Variants in UBE2D1 observed in about 807,000 individuals in gnomAD.
UBE2D1 encodes ubiquitin conjugating enzyme E2 D1, also known as ubiquitin-conjugating enzyme E2 D1.
A neutral mutation model predicts 24.6 loss-of-function variants in UBE2D1; 9 were observed. That is an observed-to-expected ratio of 0.37 (90% CI 0.22 to 0.64). The LOEUF (loss-of-function observed/expected upper bound fraction) is 0.64. Ranked by LOEUF, UBE2D1 falls within the 30% of genes least tolerant of loss-of-function variation. The pLI, the probability that UBE2D1 is intolerant of heterozygous loss-of-function variation, is 0.64. For synonymous variants in UBE2D1, 57 were observed against 57.6 expected, an observed-to-expected ratio of 0.99 and a Z score of 0.04; for missense variants, 87 against 177.1, an observed-to-expected ratio of 0.49 and a Z score of 2.89.
chr10:58,355,086 C>T (rs1406813804), intron 1 of UBE2D1, among the ~76,000 whole-genome samples: 2 of 152,108 alleles, frequency 1.3e-5, no homozygotes, highest in African/African-American at 4.8e-5. Context: ...CATTAAGCCT[C>T]TGGAAAACTC....
At chr10:58,365,548 A>G (rs1272285013) in intron 5 of UBE2D1, among the ~76,000 whole-genome samples, 1 of 152,224 alleles carries the variant, frequency 6.6e-6, no homozygotes, top group Non-Finnish European at 1.5e-5. Flanking sequence ...AGTGACTGAC[A>G]CAAGATCTGT....
chr10:58,354,584 C>T (rs112447215), intron 1 of UBE2D1, among the ~76,000 whole-genome samples: 1 of 152,164 alleles, frequency 6.6e-6, no homozygotes, highest in Non-Finnish European at 1.5e-5. Context: ...GGCTCAGTGG[C>T]TTACACCTGT....
At chr10:58,343,746 G>T (rs1368421375) in intron 1 of UBE2D1, among the ~76,000 whole-genome samples, 1 of 152,098 alleles carries the variant, frequency 6.6e-6, no homozygotes, top group Non-Finnish European at 1.5e-5. Context: ...AATACTGGAT[G>T]ATACTAACAG....
intron 3 of UBE2D1, among the ~76,000 whole-genome samples, chr10:58,363,403 C>T (rs190593386): frequency 2.3e-4 from 35 of 152,176 alleles, no homozygotes; most frequent in Non-Finnish European, 3.8e-4. Context: ...AATCCTCCTT[C>T]GTACCTGCAG....
At chr10:58,345,329 G>A (rs1036816729) in intron 1 of UBE2D1, among the ~76,000 whole-genome samples, 3 of 152,040 alleles carry the variant, frequency 2.0e-5, no homozygotes, top group Admixed American at 6.6e-5. Flanking sequence ...TTAAAAAATA[G>A]CTCAGCATCG....
chr10:58,344,021 T>C (rs1345256338), intron 1 of UBE2D1, among the ~76,000 whole-genome samples: 1 of 152,190 alleles, frequency 6.6e-6, no homozygotes, highest in African/African-American at 2.4e-5. Flanking sequence ...GAAAATTCTA[T>C]TTATTTAAGT....
intron 1 of UBE2D1, chr10:58,361,023 T>G (rs1344586322): frequency 4.2e-6 from 2 of 479,798 alleles, no homozygotes; most frequent in East Asian, 4.8e-5. Context: ...TTCTGATATA[T>G]TATCAACCTA....
chr10:58,354,272 A>C (rs1018128267), intron 1 of UBE2D1, among the ~76,000 whole-genome samples: 9 of 152,178 alleles, frequency 5.9e-5, no homozygotes, highest in Non-Finnish European at 8.8e-5. Flanking sequence ...GATAGCATTA[A>C]GGAAAGCAGG....
intron 4 of UBE2D1, 184 bp from the exon 5 acceptor site, chr10:58,364,587 C>T (rs895078520): frequency 1.4e-5 from 7 of 516,802 alleles, no homozygotes; most frequent in Admixed American, 3.5e-5. Context: ...TTTGTGTTCA[C>T]ATTCTCACTA....
chr10:58,342,168 G>T (rs1377660256), intron 1 of UBE2D1, among the ~76,000 whole-genome samples: 1 of 152,130 alleles, frequency 6.6e-6, no homozygotes, highest in Non-Finnish European at 1.5e-5. Context: ...CTTAGTATGG[G>T]GAGGAAGCTG....
rs143364876 is a variant in UBE2D1 at position 58,339,586 on chromosome 10, A to G, written c.24+4361A>G. 2.6e-3 allele frequency among the ~76,000 whole-genome samples: 399 copies of G among 152,238 alleles called. 1 individual carries two copies. Among genetic ancestry groups the G allele is most frequent in the Admixed American group, 4.6e-3 (71 of 15,294 alleles). ...TCTGCCTTCTAAGTACTTGACATAT[A>G]TTAATTGACTTAATTCTTAGTATAC... On this transcript the variant is annotated intron_variant, in intron 1 of 6. Transcript: ENST00000373910.
rs191310501 is a variant in UBE2D1, at chr10:58,345,718, C to A, written c.24+10493C>A. ...AGAGGCCAAATTTATTTGGGAAAAT[C>A]AGGAAAAACTGTGGAGAAGATGGAA... On this transcript the variant is annotated intron_variant, in intron 1 of 6. Transcript: ENST00000373910. Among the ~76,000 whole-genome samples, 5 of 152,102 alleles carry A rather than the reference C, an allele frequency of 3.3e-5. No homozygotes were observed. In the East Asian group the frequency reaches 9.7e-4, roughly 29 times the overall value.
chr10:58,355,257 A>C (rs1178147803), intron 1 of UBE2D1, among the ~76,000 whole-genome samples: 2 of 152,200 alleles, frequency 1.3e-5, no homozygotes, highest in Non-Finnish European at 2.9e-5. Context: ...GAACCCAAAT[A>C]AGAGTGTAGG....
At chr10:58,365,882 A>C (rs1840249872) in intron 5 of UBE2D1, among the ~76,000 whole-genome samples, 1 of 152,172 alleles carries the variant, frequency 6.6e-6, no homozygotes, top group Admixed American at 6.5e-5. Flanking sequence ...GCATGTTTTT[A>C]AAAGTAATAA....
At position 58,335,108 on chromosome 10, in the gene UBE2D1, C is replaced by T; in HGVS notation, c.-94C>T. Reference sequence around the variant, plus strand: ...CGGGGACCCACCGCGCGGAGCCAGCCTAGCTGCCAGCGAGCCCAACCCGCG... The same window carrying T: ...CGGGGACCCACCGCGCGGAGCCAGCTTAGCTGCCAGCGAGCCCAACCCGCG... On this transcript the variant is annotated 5_prime_UTR_variant, in exon 1 of 7. Coordinates refer to ENST00000373910, the MANE Select transcript of UBE2D1 (RefSeq NM_003338.5). The T allele has an allele frequency of 7.2e-7, 1 of 1,395,690 alleles. No individual in the cohort carries two copies. The allele number at this position is 1,395,690 out of a possible 1,614,324, so 86.5% of individuals were successfully genotyped here.
At chr10:58,361,252 C>G (rs1840194491) in intron 1 of UBE2D1, 86 bp from the exon 2 acceptor site, 1 of 1,346,056 alleles carries the variant, frequency 7.4e-7, no homozygotes, top group Non-Finnish European at 1.1e-6. Flanking sequence ...GTTTTTAAAG[C>G]TAATAGTTTG....
intron 1 of UBE2D1, among the ~76,000 whole-genome samples, chr10:58,359,793 T>C (rs1253150933): frequency 1.3e-5 from 2 of 152,218 alleles, no homozygotes; most frequent in South Asian, 2.1e-4. Flanking sequence ...AGACATTGAA[T>C]AAATGTTAGC....
chr10:58,353,801 A>G (rs1840102080), intron 1 of UBE2D1, among the ~76,000 whole-genome samples: 1 of 152,216 alleles, frequency 6.6e-6, no homozygotes, highest in African/African-American at 2.4e-5. Context: ...TGCAATCTGC[A>G]TATCTATATA....
chr10:58,348,249 G>A (rs1454091823), intron 1 of UBE2D1, among the ~76,000 whole-genome samples: 1 of 152,144 alleles, frequency 6.6e-6, no homozygotes, highest in Admixed American at 6.5e-5. Flanking sequence ...GCTTAAAGAG[G>A]TTCTGTATTT....
Sources: allele counts gnomAD v4.1 joint callset (sites outside exome capture counted in the v4.1 genomes callset), GRCh38; gene constraint gnomAD v4.1.1; transcripts MANE v1.5; gene names NCBI Gene and HGNC (gene_info 2026-07-23, HGNC 2026-07-21).